GRIK2: variants seen among roughly 807,000 people sequenced by gnomAD.
The protein encoded by GRIK2 is glutamate ionotropic receptor kainate type subunit 2, also known as glutamate receptor ionotropic, kainate 2.
A neutral mutation model predicts 100.3 loss-of-function variants in GRIK2; 32 were observed. That is an observed-to-expected ratio of 0.32 (90% CI 0.24 to 0.43). The LOEUF (loss-of-function observed/expected upper bound fraction) is 0.43. Ranked by LOEUF, GRIK2 falls within the 20% of genes least tolerant of loss-of-function variation. The pLI is 1.00. For synonymous variants in GRIK2, 417 were observed against 389.4 expected (o/e 1.07, Z -0.83); for missense variants, 843 against 1,114.9 (o/e 0.76, Z 3.47).
chr6:101,661,830 T>C (rs563935409), intron 4 of GRIK2, among the ~76,000 whole-genome samples: 1 of 152,130 alleles, frequency 6.6e-6, no homozygotes, highest in East Asian at 1.9e-4. Context: ...CCCAATGAGA[T>C]GAGCTGGGTA....
intron 11 of GRIK2, among the ~76,000 whole-genome samples, chr6:101,870,922 A>T (rs1785374534): frequency 6.6e-6 from 1 of 151,936 alleles, no homozygotes; most frequent in Non-Finnish European, 1.5e-5. Flanking sequence ...ACGTGTTCTG[A>T]AAAACAGGGT....
chr6:101,764,014 C>G (rs773921659), intron 7 of GRIK2, among the ~76,000 whole-genome samples: 4 of 152,132 alleles, frequency 2.6e-5, no homozygotes, highest in African/African-American at 4.8e-5. Flanking sequence ...ATCCCAAGAT[C>G]AGAAACTTAA....
At chr6:101,877,554 G>C (rs1377504812) in intron 11 of GRIK2, among the ~76,000 whole-genome samples, 1 of 151,808 alleles carries the variant, frequency 6.6e-6, no homozygotes, top group Non-Finnish European at 1.5e-5. Flanking sequence ...ATTTCCCCTG[G>C]ATATCAACAG....
rs139545210 is a variant in GRIK2, at chr6:101,655,129, A to G, written c.542-21494A>G. On this transcript the variant is annotated intron_variant, in intron 4 of 16. Transcript: ENST00000369134. ...TCTCTGATTTTAAGGTACTCATTTA[A>G]TACTCATTCCTATCCCTAAAGCTCA... Among the ~76,000 whole-genome samples, 414 of 152,256 alleles carry G rather than the reference A, an allele frequency of 2.7e-3. 3 individuals are homozygous for G. Among genetic ancestry groups the G allele is most frequent in the African/African-American group, 9.4e-3 (390 of 41,554 alleles).
At chr6:101,852,687 C>T (rs1784207016) in intron 10 of GRIK2, among the ~76,000 whole-genome samples, 1 of 152,066 alleles carries the variant, frequency 6.6e-6, no homozygotes, top group Non-Finnish European at 1.5e-5. Context: ...TAAAAGTATT[C>T]AAAAGTTGTT....
At chr6:101,869,763 T>A (rs1466913861) in intron 11 of GRIK2, among the ~76,000 whole-genome samples, 1 of 151,826 alleles carries the variant, frequency 6.6e-6, no homozygotes, top group Non-Finnish European at 1.5e-5. Context: ...TCTCCTCAAG[T>A]TAGGGACCCC....
At chr6:102,064,158 C>T in intron 16 of GRIK2, 1 of 621,550 alleles carries the variant, frequency 1.6e-6, no homozygotes, top group East Asian at 3.0e-5. Context: ...TTTAATGACA[C>T]AGTGCGTGGG....
At chr6:101,991,011 A>G (rs1582678746) in intron 14 of GRIK2, among the ~76,000 whole-genome samples, 2 of 151,896 alleles carry the variant, frequency 1.3e-5, no homozygotes, top group South Asian at 2.1e-4. Context: ...GATTCTATAG[A>G]TGTAAGATGC....
chr6:101,613,816 A>C (rs1008763899), intron 2 of GRIK2, among the ~76,000 whole-genome samples: 6 of 151,700 alleles, frequency 4.0e-5, no homozygotes, highest in Non-Finnish European at 1.5e-5. Context: ...TGTGACAAAC[A>C]GTTAAACAAT....
chr6:102,003,661 TA>T (rs1728776700), intron 14 of GRIK2, among the ~76,000 whole-genome samples: 1 of 151,816 alleles, frequency 6.6e-6, no homozygotes, highest in Non-Finnish European at 1.5e-5. Flanking sequence ...TGTCATTGCA[TA>T]TATCTGCCAG....
At chr6:101,540,565 A>G (rs1181239979) in intron 2 of GRIK2, among the ~76,000 whole-genome samples, 1 of 151,986 alleles carries the variant, frequency 6.6e-6, no homozygotes, top group Non-Finnish European at 1.5e-5. Context: ...GGAAAGTTAG[A>G]TAAAAATGTA....
At chr6:101,522,938 A>G (rs1372029254) in intron 2 of GRIK2, among the ~76,000 whole-genome samples, 2 of 150,746 alleles carry the variant, frequency 1.3e-5, no homozygotes, top group Non-Finnish European at 3.0e-5. Context: ...TATTTAATCT[A>G]TTTATTAAAT....
chr6:101,889,376 G>A (rs1786881337), intron 11 of GRIK2, among the ~76,000 whole-genome samples: 1 of 151,674 alleles, frequency 6.6e-6, no homozygotes, highest in Non-Finnish European at 1.5e-5. Context: ...TTAATTCTAT[G>A]AAGTTTTTTT....
chr6:101,396,798 A>G (rs1350593105), intron 1 of GRIK2, among the ~76,000 whole-genome samples: 2 of 152,226 alleles, frequency 1.3e-5, no homozygotes, highest in African/African-American at 4.8e-5. Flanking sequence ...GTTCAACTGG[A>G]CAGGTGGAAT....
chr6:101,847,183 A>T (rs1233144349), intron 10 of GRIK2, among the ~76,000 whole-genome samples: 2 of 151,952 alleles, frequency 1.3e-5, no homozygotes, highest in Non-Finnish European at 2.9e-5. Context: ...TTGAGTTTTA[A>T]TATGTTCTGC....
chr6:101,988,746 T>C (rs1794191235), intron 14 of GRIK2, among the ~76,000 whole-genome samples: 1 of 151,874 alleles, frequency 6.6e-6, no homozygotes, highest in African/African-American at 2.4e-5. Flanking sequence ...TAAAGAGAAA[T>C]TTAATTTACA....
chr6:101,984,569 G>A (rs548861048), intron 14 of GRIK2, among the ~76,000 whole-genome samples: 1 of 148,110 alleles, frequency 6.8e-6, no homozygotes, highest in South Asian at 2.1e-4. Flanking sequence ...TACTCTAGTA[G>A]AATCAGATAT....
chr6:101,584,082 T>C (rs574152984), intron 2 of GRIK2, among the ~76,000 whole-genome samples: 106 of 152,210 alleles, frequency 7.0e-4, no homozygotes, highest in African/African-American at 2.5e-3. Context: ...TGTGTGTATG[T>C]ACTATTTTAA....
intron 10 of GRIK2, among the ~76,000 whole-genome samples, chr6:101,834,345 T>G (rs1782916781): frequency 6.6e-6 from 1 of 152,148 alleles, no homozygotes; most frequent in African/African-American, 2.4e-5. Context: ...TACTTCACTA[T>G]TTTTTCAGCA....
Sources: allele counts gnomAD v4.1 joint callset (sites outside exome capture counted in the v4.1 genomes callset), GRCh38; gene constraint gnomAD v4.1.1; transcripts MANE v1.5; gene names NCBI Gene and HGNC (gene_info 2026-07-23, HGNC 2026-07-21).